Variants in POF1B observed in about 807,000 individuals in gnomAD.
POF1B encodes the protein protein POF1B.
In POF1B, 53 loss-of-function variants were observed where a neutral mutation model predicts 55.3. That is an observed-to-expected ratio of 0.96 (90% confidence interval 0.77 to 1.20). POF1B has a LOEUF of 1.20. Ranked by LOEUF, POF1B falls within the 50% of genes most tolerant of loss-of-function variation. POF1B has a pLI of 0.00. For synonymous variants in POF1B, 188 were observed against 148.3 expected (o/e 1.27, Z -1.95); for missense variants, 478 against 420.5 (o/e 1.14, Z -1.20).
At chrX:85,292,725 A>C (rs1166527222) in intron 15 of POF1B, among the ~76,000 whole-genome samples, 6 of 111,385 alleles carry the variant, frequency 5.4e-5, no homozygotes, top group Non-Finnish European at 7.5e-5. Context: ...AACTGTCAAC[A>C]GAGTAAACAG....
chrX:85,341,893 A>C (rs1259063535), intron 6 of POF1B, among the ~76,000 whole-genome samples: 1 of 111,315 alleles, frequency 9.0e-6, no homozygotes, highest in Non-Finnish European at 1.9e-5. Flanking sequence ...TGGCAATAGC[A>C]CTATCCAGGT....
At chrX:85,354,000 G>A (rs1018888936) in intron 4 of POF1B, among the ~76,000 whole-genome samples, 11 of 110,962 alleles carry the variant, frequency 9.9e-5, no homozygotes, top group Non-Finnish European at 1.7e-4. Context: ...ACTAAAATCA[G>A]TGGAAGAAAG....
In POF1B at chrX:85,303,401, A is replaced by G. The variant is rs774789554; in HGVS notation, c.1649+5T>C. ...ATATTCAAATTTCATTTAAAAATAC[A>G]TTACTTTTTAGTGGTAATAGTAGTC... On this transcript the variant is annotated splice_donor_5th_base_variant and intron_variant, in intron 15 of 16. Transcript: ENST00000262753. 7.3e-6 allele frequency: 8 copies of G among 1,090,889 alleles called. No individual in the cohort carries two copies. In the East Asian group the frequency reaches 1.8e-4, roughly 25 times the overall value. The allele number at this position is 1,090,889 out of a possible 1,213,427, so 89.9% of individuals were successfully genotyped here.
At chrX:85,284,742 G>A (rs753742062) in intron 15 of POF1B, among the ~76,000 whole-genome samples, 17 of 111,387 alleles carry the variant, frequency 1.5e-4, no homozygotes, top group African/African-American at 4.2e-4. Flanking sequence ...GGACATAGGC[G>A]TGGGCAAAGA....
In POF1B at chrX:85,367,678, A is replaced by T; in HGVS notation, c.357+14T>A. On this transcript the variant is annotated intron_variant, in intron 3 of 16. Transcript: ENST00000262753. ...AAGAGGAACAAATCTAATGTAATTC[A>T]CAACTTCTTTTACCTGTTCAGTATT... is the stretch of plus-strand genomic sequence containing the variant. The T allele has an allele frequency of 8.9e-7, 1 of 1,123,087 alleles. No homozygotes were observed. The highest frequency in any genetic ancestry group is 3.0e-5 in the East Asian group (1 of 32,821). The allele number at this position is 1,123,087 out of a possible 1,213,427, so 92.6% of individuals were successfully genotyped here.
intron 11 of POF1B, among the ~76,000 whole-genome samples, chrX:85,306,924 A>T (rs768245186): frequency 4.5e-5 from 5 of 112,060 alleles, no homozygotes; most frequent in Admixed American, 9.5e-5. Flanking sequence ...CTGGTCACCC[A>T]ACAAGACAAA....
chrX:85,366,587 C>T (rs1933727578), intron 3 of POF1B, among the ~76,000 whole-genome samples: 1 of 111,450 alleles, frequency 9.0e-6, no homozygotes, highest in Non-Finnish European at 1.9e-5. Context: ...AATTTTTTGA[C>T]TGGATTTGAC....
chrX:85,304,679 G>A (rs1932532863), intron 13 of POF1B, among the ~76,000 whole-genome samples: 2 of 110,538 alleles, frequency 1.8e-5, no homozygotes, highest in Non-Finnish European at 3.8e-5. Flanking sequence ...AGGTGTCTTT[G>A]CTATGTAGGA....
intron 15 of POF1B, among the ~76,000 whole-genome samples, chrX:85,300,645 A>AT (rs1932424562): frequency 8.9e-6 from 1 of 112,086 alleles, no homozygotes; most frequent in Non-Finnish European, 1.9e-5. Flanking sequence ...TCAATAAAAA[A>AT]TTATAAGACA....
In POF1B at chrX:85,285,190, T is replaced by C. The variant is rs139327036; in HGVS notation, c.1650-2873A>G. 9.9e-3 allele frequency among the ~76,000 whole-genome samples: 1,109 copies of C among 111,548 alleles called. 11 individuals carry two copies. Among genetic ancestry groups the C allele is most frequent in the Admixed American group, 0.035 (363 of 10,503 alleles). On this transcript the variant is annotated intron_variant, in intron 15 of 16. Transcript: ENST00000262753. ...GGATGTGGAGAAATAGGAATACTTT[T>C]ACACCGTTGGCAGGACTGTAAACTA...
chrX:85,287,155 C>A (rs1261509930), intron 15 of POF1B, among the ~76,000 whole-genome samples: 1 of 110,360 alleles, frequency 9.1e-6, no homozygotes, highest in Non-Finnish European at 1.9e-5. Flanking sequence ...GAAGAATGGT[C>A]TAAAATCAAT....
intron 4 of POF1B, among the ~76,000 whole-genome samples, chrX:85,355,633 C>T (rs1329567031): frequency 9.0e-6 from 1 of 111,531 alleles, no homozygotes; most frequent in East Asian, 2.8e-4. Context: ...ACAACCCCAT[C>T]GAAAAGTGGG....
chrX:85,334,302 C>G (rs1933027236), intron 6 of POF1B, among the ~76,000 whole-genome samples: 1 of 110,604 alleles, frequency 9.0e-6, no homozygotes, highest in African/African-American at 3.3e-5. Context: ...ATAGCTGCAC[C>G]TCATATATAC....
intron 15 of POF1B, among the ~76,000 whole-genome samples, chrX:85,293,755 C>T (rs907227774): frequency 1.8e-5 from 2 of 111,696 alleles, no homozygotes; most frequent in African/African-American, 3.3e-5. Context: ...GCAGATCACC[C>T]TGAGGTCAGG....
chrX:85,309,678 A>C (rs1354923532), intron 9 of POF1B, among the ~76,000 whole-genome samples: 1 of 111,364 alleles, frequency 9.0e-6, no homozygotes, highest in African/African-American at 3.3e-5. Flanking sequence ...AGGACAGAAA[A>C]CTTTTAGATA....
At chrX:85,311,037 A>C (rs763237040) in intron 9 of POF1B, among the ~76,000 whole-genome samples, 1 of 111,647 alleles carries the variant, frequency 9.0e-6, no homozygotes, top group East Asian at 2.8e-4. Context: ...GATGAGGGAA[A>C]ATGAAAATAA....
At chrX:85,321,850 A>G (rs768406253) in intron 7 of POF1B, among the ~76,000 whole-genome samples, 2 of 108,478 alleles carry the variant, frequency 1.8e-5, no homozygotes, top group Non-Finnish European at 3.8e-5. Flanking sequence ...ACAATTGCTT[A>G]AAAGAGAATA....
intron 4 of POF1B, among the ~76,000 whole-genome samples, chrX:85,355,711 CTCA>C (rs1007846787): frequency 1.2e-4 from 14 of 112,067 alleles, no homozygotes; most frequent in African/African-American, 4.5e-4. Context: ...TGAAAAAATG[CTCA>C]TCGTCACTGG....
intron 3 of POF1B, among the ~76,000 whole-genome samples, chrX:85,360,544 T>TATATATATAC (rs1331084349): frequency 1.2e-5 from 1 of 85,853 alleles, no homozygotes; most frequent in African/African-American, 6.6e-5. Flanking sequence ...TATATATATA[T>TATATATATAC]ATATATATAT....
Sources: gnomAD v4.1 joint callset for allele counts (sites outside exome capture counted in the v4.1 genomes callset) on GRCh38, gnomAD v4.1.1 for gene constraint, MANE v1.5 for transcripts, NCBI Gene and HGNC (gene_info 2026-07-23, HGNC 2026-07-21) for gene names.